Variants in PIAS4 observed in about 807,000 individuals in gnomAD.
The protein encoded by PIAS4 is protein inhibitor of activated STAT 4.
Under a neutral mutation model 58.0 loss-of-function variants are expected in PIAS4, and 7 were observed. The observed-to-expected ratio is 0.12, with a 90% CI of 0.07 to 0.23. PIAS4 has a LOEUF of 0.23. PIAS4 is among the 10% of genes least tolerant of loss of function. PIAS4 has a pLI of 1.00. For missense variants in PIAS4, 550 were observed against 709.5 expected (o/e 0.78, Z 2.55); for synonymous variants, 364 against 312.4 (o/e 1.17, Z -1.74).
chr19:4,036,005 C>T (rs1156258834), intron 9 of PIAS4, among the ~76,000 whole-genome samples: 1 of 121,086 alleles, frequency 8.3e-6, no homozygotes, highest in Non-Finnish European at 1.8e-5. Flanking sequence ...TCTGTACAGT[C>T]CACACCTTCA....
chr19:4,028,303 C>T (rs1314074389), intron 4 of PIAS4, 116 bp downstream of exon 4: 2 of 905,202 alleles, frequency 2.2e-6, no homozygotes, highest in Non-Finnish European at 3.4e-6. Flanking sequence ...CAGAGCCCAG[C>T]TCTCCTCACC....
At chr19:4,018,371 A>G (rs2040073025) in intron 2 of PIAS4, 1 of 152,166 alleles carries the variant, frequency 6.6e-6, no homozygotes, top group Admixed American at 6.5e-5. Flanking sequence ...AGCGTTAAAT[A>G]TTCATCGTCA....
chr19:4,031,688 T>G (rs760953910), intron 7 of PIAS4, among the ~76,000 whole-genome samples: 1 of 152,034 alleles, frequency 6.6e-6, no homozygotes, highest in East Asian at 1.9e-4. Context: ...GGGTCAGGCT[T>G]CCTCTCCGAA....
At chr19:4,035,424 G>A (rs2040264551) in intron 9 of PIAS4, among the ~76,000 whole-genome samples, 1 of 152,132 alleles carries the variant, frequency 6.6e-6, no homozygotes, top group Non-Finnish European at 1.5e-5. Context: ...GCAGAACCAG[G>A]GCCTGCCTCC....
chr19:4,007,888 C>G, intron 1 of PIAS4, 101 bp downstream of exon 1: 1 of 917,264 alleles, frequency 1.1e-6, no homozygotes, highest in Non-Finnish European at 1.4e-6. Flanking sequence ...CCCCACAGCG[C>G]GGCCGGCCCG....
chr19:4,029,984 G>A (rs796658117), intron 7 of PIAS4, among the ~76,000 whole-genome samples: 41 of 151,866 alleles, frequency 2.7e-4, no homozygotes, highest in African/African-American at 8.0e-4. Context: ...CACCATGCCC[G>A]GCTAATTTTT....
intron 9 of PIAS4, among the ~76,000 whole-genome samples, chr19:4,035,001 C>T (rs1344868771): frequency 1.3e-5 from 2 of 152,094 alleles, no homozygotes; most frequent in African/African-American, 4.8e-5. Flanking sequence ...GTTCCCGTTG[C>T]TGTGTGTGTC....
At chr19:4,029,495 G>A (rs934378409) in intron 7 of PIAS4, among the ~76,000 whole-genome samples, 1 of 152,114 alleles carries the variant, frequency 6.6e-6, no homozygotes, top group African/African-American at 2.4e-5. Flanking sequence ...GAGGAAGACG[G>A]GCGGCGGCGG....
intron 9 of PIAS4, among the ~76,000 whole-genome samples, chr19:4,036,807 T>TCACACACA (rs1255114715): frequency 6.8e-6 from 1 of 147,656 alleles, no homozygotes; most frequent in East Asian, 2.0e-4. Flanking sequence ...GTCCACACCG[T>TCACACACA]CACATATCTG....
intron 2 of PIAS4, among the ~76,000 whole-genome samples, chr19:4,019,954 T>A (rs1429450999): frequency 6.6e-6 from 1 of 151,456 alleles, no homozygotes; most frequent in Non-Finnish European, 1.5e-5. Flanking sequence ...AGTCTCGCTG[T>A]CGCCCGGGCT....
intron 1 of PIAS4, among the ~76,000 whole-genome samples, chr19:4,012,440 C>T (rs1020816523): frequency 1.3e-4 from 20 of 152,198 alleles, no homozygotes; most frequent in African/African-American, 4.8e-4. Context: ...CTGTGGCTAC[C>T]GTTGGCGAGA....
chr19:4,037,824 C>G lies in PIAS4; in HGVS notation c.1482C>G (p.Pro494=). 1.9e-6 allele frequency: 3 copies of G among 1,574,950 alleles called. No individual in the cohort carries two copies. The highest frequency in any genetic ancestry group is 1.9e-5 in the Admixed American group (1 of 53,510). Residue 494 remains proline (P), a synonymous_variant, in exon 11 of 11, where the codon CCC becomes CCG. Transcript: ENST00000262971. This position sits in a 1 kb window ranked among gnomAD's most constrained non-coding sequence, Gnocchi z 5.8. ...AGGAAGACGAGGACGAAGAGGGGCC[C>G]CGGCCCAAGCGCCGCTGCCCCTTCC... The part of the protein sequence containing the change: ...EEEEDEDEEG[P]RPKRRCPFQK...
In PIAS4 at chr19:4,037,146, C is replaced by G. The variant is rs548988735; in HGVS notation, c.1143-228C>G. Among the ~76,000 whole-genome samples, 2 of 152,224 alleles carry G rather than the reference C, an allele frequency of 1.3e-5. No homozygotes were observed. The highest frequency in any genetic ancestry group is 2.9e-5 in the Non-Finnish European group (2 of 68,026). ...GGGTATGTGTGTCCATGCCCCGTCC[C>G]CCCGGCAGTGCCGTGCACTGCAGAC... On this transcript the variant is annotated intron_variant, in intron 9 of 10. Transcript: ENST00000262971. This position sits in a 1 kb window ranked among gnomAD's most constrained non-coding sequence, Gnocchi z 5.8.
intron 7 of PIAS4, among the ~76,000 whole-genome samples, chr19:4,029,809 T>A (rs939235671): frequency 8.7e-5 from 10 of 114,678 alleles, no homozygotes; most frequent in African/African-American, 3.5e-4. Flanking sequence ...CACACCCAAC[T>A]AATTTTTTTT....
chr19:4,033,058 GT>G, intron 7 of PIAS4, 41 bp from the exon 8 acceptor site: 1 of 1,555,060 alleles, frequency 6.4e-7, no homozygotes. Context: ...GCGCCCTGCT[GT>G]TCCCACCCTC....
In PIAS4 at chr19:4,013,444, T is replaced by A; in HGVS notation, c.454+95T>A. ...CCACACAGCCGACTTCGAGTGATGT[T>A]CTCTGTGGCGCAGCCAGGGCGGGGA... is the stretch of plus-strand genomic sequence containing the variant. On this transcript the variant is annotated intron_variant, in intron 2 of 10. Coordinates refer to ENST00000262971, the MANE Select transcript of PIAS4 (RefSeq NM_015897.4). This position sits in a 1 kb window ranked among gnomAD's most constrained non-coding sequence, Gnocchi z 5.1. The A allele has an allele frequency of 8.7e-7, 1 of 1,153,358 alleles. No homozygotes were observed. The highest frequency in any genetic ancestry group is 1.2e-6 in the Non-Finnish European group (1 of 808,300). 71.4% of individuals were successfully genotyped at this position (1,153,358 alleles called of 1,614,324 possible).
chr19:4,026,602 G>A (rs2040167074), intron 3 of PIAS4, among the ~76,000 whole-genome samples: 1 of 151,880 alleles, frequency 6.6e-6, no homozygotes, highest in Admixed American at 6.6e-5. Flanking sequence ...TCATCCACTG[G>A]CCCCCACGCA....
intron 3 of PIAS4, among the ~76,000 whole-genome samples, chr19:4,027,154 A>G (rs2040173647): frequency 6.6e-6 from 1 of 151,774 alleles, no homozygotes. Context: ...ACCTGGCCTA[A>G]TTTTTGTATT....
In PIAS4 at chr19:4,008,426, C is replaced by T. The variant is rs560122026; in HGVS notation, c.27+639C>T. On this transcript the variant is annotated intron_variant, in intron 1 of 10. Transcript: ENST00000262971. ...TGGAGTTCAGGCTCGGTCTTGAGCC[C>T]CTCTTCAGCTCCTGCATTGGTCCCA... 3.9e-5 allele frequency among the ~76,000 whole-genome samples: 6 copies of T among 152,148 alleles called. No homozygotes were observed. The South Asian group carries it at 1.2e-3, about 32-fold the overall frequency.
Sources: allele counts gnomAD v4.1 joint callset (sites outside exome capture counted in the v4.1 genomes callset), GRCh38; gene constraint gnomAD v4.1.1; non-coding constraint Gnocchi (gnomAD v3.1); transcripts MANE v1.5; gene names NCBI Gene and HGNC (gene_info 2026-07-23, HGNC 2026-07-21).